Variants in PGCKA1 observed in about 807,000 individuals in gnomAD.
PGCKA1 encodes the protein PDCD10 and GCKIII kinases-associated protein 1.
the PGCKA1 span, among the ~76,000 whole-genome samples, chr4:37,485,418 T>G: frequency 6.6e-6 from 1 of 152,186 alleles, no homozygotes; most frequent in African/African-American, 2.4e-5. Context: ...GGGATGAGTT[T>G]GGCTCCCTTC....
chr4:37,500,032 C>T, the PGCKA1 span, among the ~76,000 whole-genome samples: 1 of 150,092 alleles, frequency 6.7e-6, no homozygotes, highest in Non-Finnish European at 1.5e-5. Flanking sequence ...ATGCCATTCT[C>T]CTGCCTCAGC....
the PGCKA1 span, among the ~76,000 whole-genome samples, chr4:37,543,869 C>A: frequency 6.6e-6 from 1 of 151,924 alleles, no homozygotes; most frequent in African/African-American, 2.4e-5. Context: ...GCCTTCTTAG[C>A]TTCTCCAATC....
the PGCKA1 span, among the ~76,000 whole-genome samples, chr4:37,556,336 C>T: frequency 5.3e-5 from 8 of 151,976 alleles, no homozygotes; most frequent in Admixed American, 1.3e-4. Flanking sequence ...GGCACCATCT[C>T]GGCTCACTGC....
chr4:37,572,638 G>A, the PGCKA1 span, among the ~76,000 whole-genome samples: 2 of 152,024 alleles, frequency 1.3e-5, no homozygotes, highest in African/African-American at 4.8e-5. Flanking sequence ...TTAGAGTTTG[G>A]ATTTTTTTAA....
chr4:37,502,521 G>A, the PGCKA1 span, among the ~76,000 whole-genome samples: 2 of 152,280 alleles, frequency 1.3e-5, no homozygotes, highest in South Asian at 2.1e-4. Context: ...GGTGCTGGTG[G>A]GGGTGGCAGG....
chr4:37,549,513 T>C, the PGCKA1 span, among the ~76,000 whole-genome samples: 1 of 152,208 alleles, frequency 6.6e-6, no homozygotes, highest in Admixed American at 6.5e-5. Context: ...AGCTAACTCT[T>C]AGGCAAAACC....
chr4:37,495,847 A>C, the PGCKA1 span, among the ~76,000 whole-genome samples: 11 of 152,022 alleles, frequency 7.2e-5, no homozygotes, highest in Non-Finnish European at 1.3e-4. Flanking sequence ...CCAGAACTTA[A>C]AGTATAATTT....
the PGCKA1 span, among the ~76,000 whole-genome samples, chr4:37,465,799 A>G: frequency 2.6e-5 from 4 of 152,124 alleles, no homozygotes; most frequent in African/African-American, 9.7e-5. Flanking sequence ...AAACAATCAT[A>G]CATCCTGTCC....
the PGCKA1 span, among the ~76,000 whole-genome samples, chr4:37,520,014 A>G: frequency 6.6e-6 from 1 of 152,212 alleles, no homozygotes; most frequent in Non-Finnish European, 1.5e-5. Flanking sequence ...ATCAATTGAC[A>G]TGATCATATG....
chr4:37,480,837 A>G, the PGCKA1 span, among the ~76,000 whole-genome samples: 1 of 152,166 alleles, frequency 6.6e-6, no homozygotes, highest in Non-Finnish European at 1.5e-5. Context: ...GGTCATGCTG[A>G]CCTTAGCCAT....
the PGCKA1 span, among the ~76,000 whole-genome samples, chr4:37,548,034 A>G: frequency 6.6e-6 from 1 of 151,352 alleles, no homozygotes; most frequent in African/African-American, 2.4e-5. Context: ...GGGGGGAGGC[A>G]GAATTTATAT....
chr4:37,557,099 T>G, the PGCKA1 span, among the ~76,000 whole-genome samples: 1 of 152,220 alleles, frequency 6.6e-6, no homozygotes, highest in Non-Finnish European at 1.5e-5. Flanking sequence ...GATGTGTCCA[T>G]GTGTAGTAAA....
At chr4:37,497,828 G>C in the PGCKA1 span, among the ~76,000 whole-genome samples, 2 of 152,106 alleles carry the variant, frequency 1.3e-5, no homozygotes, top group Non-Finnish European at 2.9e-5. Context: ...CACTCTGTGG[G>C]TTGTCTGTTT....
the PGCKA1 span, among the ~76,000 whole-genome samples, chr4:37,510,368 G>T: frequency 6.6e-6 from 1 of 152,050 alleles, no homozygotes; most frequent in African/African-American, 2.4e-5. Flanking sequence ...AGGCTTTATA[G>T]GTATTCAGAA....
the PGCKA1 span, among the ~76,000 whole-genome samples, chr4:37,491,471 A>G: frequency 2.2e-4 from 34 of 152,232 alleles, no homozygotes; most frequent in African/African-American, 7.9e-4. Context: ...ACTTGTTTGT[A>G]TGGTTTTATC....
the PGCKA1 span, among the ~76,000 whole-genome samples, chr4:37,570,230 C>T: frequency 1.4e-5 from 2 of 141,378 alleles, no homozygotes; most frequent in African/African-American, 5.3e-5. Context: ...GATCTCCTGA[C>T]CTTTTGAGCC....
chr4:37,480,544 G>C, the PGCKA1 span, among the ~76,000 whole-genome samples: 2 of 152,158 alleles, frequency 1.3e-5, no homozygotes, highest in Non-Finnish European at 2.9e-5. Flanking sequence ...TAGCCAATGC[G>C]GTCAGGAGCA....
chr4:37,501,026 C>G, the PGCKA1 span, among the ~76,000 whole-genome samples: 1 of 152,256 alleles, frequency 6.6e-6, no homozygotes, highest in African/African-American at 2.4e-5. Flanking sequence ...TCAGATGGGT[C>G]TCTTGAAGAC....
chr4:37,537,300 A>G, the PGCKA1 span, among the ~76,000 whole-genome samples: 3 of 152,220 alleles, frequency 2.0e-5, no homozygotes, highest in Non-Finnish European at 4.4e-5. Context: ...TAAAACAACT[A>G]GAACATCAGC....
Sources: allele counts gnomAD v4.1 joint callset (sites outside exome capture counted in the v4.1 genomes callset), GRCh38; gene constraint gnomAD v4.1.1; transcripts MANE v1.5; gene names NCBI Gene and HGNC (gene_info 2026-07-23, HGNC 2026-07-21).